ZNF438: variants seen among roughly 807,000 people sequenced by gnomAD.
The protein encoded by ZNF438 is zinc finger protein 438.
In ZNF438, 25 loss-of-function variants were observed where a neutral mutation model predicts 38.0. That is an observed-to-expected ratio of 0.66 (90% CI 0.48 to 0.92). The LOEUF (loss-of-function observed/expected upper bound fraction) is 0.92. Among genes scored for constraint, ZNF438 ranks in the 40% least tolerant of loss-of-function variants. The pLI, the probability that ZNF438 is intolerant of heterozygous loss-of-function variation, is 0.00. For synonymous variants in ZNF438, 372 were observed against 364.1 expected (o/e 1.02, Z -0.25); for missense variants, 1,007 against 999.6 (o/e 1.01, Z -0.10).
chr10:30,906,766 T>C (rs1325116515), intron 3 of ZNF438, among the ~76,000 whole-genome samples: 1 of 152,224 alleles, frequency 6.6e-6, no homozygotes, highest in Non-Finnish European at 1.5e-5. Flanking sequence ...GTTCAGTGTT[T>C]GTATGATAAA....
At chr10:30,963,340 C>T (rs146988141) in intron 1 of ZNF438, among the ~76,000 whole-genome samples, 14 of 139,612 alleles carry the variant, frequency 1.0e-4, no homozygotes, top group African/African-American at 3.0e-4. Context: ...TGAAGTGAGC[C>T]GAGATCGTGA....
chr10:30,881,978 A>G (rs2994612), intron 3 of ZNF438, among the ~76,000 whole-genome samples: 20,100 of 152,246 alleles, frequency 0.13, 1,654 homozygotes, highest in Middle Eastern at 0.25. Flanking sequence ...AACTTCTAAA[A>G]GAAAATACTG....
At chr10:30,919,412 CCTTT>C (rs1315464239) in intron 2 of ZNF438, 1 of 152,120 alleles carries the variant, frequency 6.6e-6, no homozygotes, top group Admixed American at 6.6e-5. Flanking sequence ...CTTCCTGAAG[CCTTT>C]CTTTTGATTT....
At chr10:30,995,546 T>C (rs141205791) in intron 1 of ZNF438, among the ~76,000 whole-genome samples, 1 of 152,272 alleles carries the variant, frequency 6.6e-6, no homozygotes, top group Admixed American at 6.5e-5. Flanking sequence ...CAAACAGTAA[T>C]TGGAAGCCCC....
intron 1 of ZNF438, among the ~76,000 whole-genome samples, chr10:30,980,254 T>A (rs1239218813): frequency 3.7e-5 from 5 of 136,256 alleles, no homozygotes; most frequent in African/African-American, 5.5e-5. Context: ...TGTTTAACAT[T>A]AAAAAAAAAA....
intron 1 of ZNF438, among the ~76,000 whole-genome samples, chr10:30,974,936 C>T (rs769410022): frequency 9.9e-5 from 15 of 152,124 alleles, no homozygotes; most frequent in African/African-American, 1.7e-4. Context: ...TTCCAGAATA[C>T]CACACTAAAT....
intron 3 of ZNF438, among the ~76,000 whole-genome samples, chr10:30,892,372 T>C (rs1472583873): frequency 6.6e-6 from 1 of 152,212 alleles, no homozygotes; most frequent in African/African-American, 2.4e-5. Context: ...AACACATATG[T>C]AACAACATAC....
intron 2 of ZNF438, among the ~76,000 whole-genome samples, chr10:30,927,648 C>T (rs1297565385): frequency 6.6e-6 from 1 of 152,220 alleles, no homozygotes; most frequent in Non-Finnish European, 1.5e-5. Context: ...CAGTAAATTA[C>T]AGACATTGCA....
chr10:31,029,353 T>C (rs964897951), intron 1 of ZNF438, among the ~76,000 whole-genome samples: 1 of 152,218 alleles, frequency 6.6e-6, no homozygotes, highest in African/African-American at 2.4e-5. Context: ...ACTGTTGTTA[T>C]GACTATGTCT....
chr10:30,938,342 A>ATCAGC (rs968915718), intron 2 of ZNF438, among the ~76,000 whole-genome samples: 1 of 151,624 alleles, frequency 6.6e-6, no homozygotes, highest in African/African-American at 2.4e-5. Flanking sequence ...CAATGGCACA[A>ATCAGC]TCAGCTCACT....
chr10:30,986,505 T>C (rs1271595412), intron 1 of ZNF438, among the ~76,000 whole-genome samples: 6 of 152,244 alleles, frequency 3.9e-5, no homozygotes, highest in Admixed American at 3.3e-4. Context: ...TTTTCACCAT[T>C]CTGTACCATT....
chr10:30,922,405 A>G (rs1270194118), intron 2 of ZNF438, among the ~76,000 whole-genome samples: 1 of 152,248 alleles, frequency 6.6e-6, no homozygotes, highest in Non-Finnish European at 1.5e-5. Flanking sequence ...AGGATGTCTG[A>G]TTTAAAAGAT....
intron 1 of ZNF438, among the ~76,000 whole-genome samples, chr10:31,020,715 T>TAG (rs1005261381): frequency 1.6e-5 from 1 of 60,640 alleles, no homozygotes; most frequent in African/African-American, 1.1e-4. Flanking sequence ...TGAATATCTT[T>TAG]TAGTAAACAA....
At chr10:30,946,051 C>T (rs113854343) in intron 1 of ZNF438, among the ~76,000 whole-genome samples, 10,372 of 142,548 alleles carry the variant, frequency 0.073, 1,250 homozygotes, top group African/African-American at 0.26. Flanking sequence ...TCTCCACATC[C>T]TCTCCAGCAC....
intron 1 of ZNF438, among the ~76,000 whole-genome samples, chr10:30,981,522 G>A (rs948116734): frequency 1.3e-5 from 2 of 152,126 alleles, no homozygotes; most frequent in African/African-American, 2.4e-5. Context: ...GGGAATTCCA[G>A]CCTATCTCAT....
At chr10:30,978,258 C>A (rs1346700079) in intron 1 of ZNF438, among the ~76,000 whole-genome samples, 2 of 152,166 alleles carry the variant, frequency 1.3e-5, no homozygotes, top group East Asian at 3.8e-4. Context: ...GAGAATTCGT[C>A]TACTCTCTTT....
At chr10:30,980,652 G>A (rs1010877844) in intron 1 of ZNF438, among the ~76,000 whole-genome samples, 1 of 152,172 alleles carries the variant, frequency 6.6e-6, no homozygotes, top group Admixed American at 6.5e-5. Flanking sequence ...GAACTCATGG[G>A]AGAGACCAAA....
rs553735911 is a variant in ZNF438, at chr10:30,894,259, T to G, written c.-32+14674A>C. The stretch of plus-strand genomic sequence containing the variant: ...AAGGGAAAATATCTCAGTAGCTTCT[T>G]TTTCTGAGTAAGTTTTTAAGAATCA... On this transcript the variant is annotated intron_variant, in intron 3 of 5. Transcript: ENST00000413025. Among the ~76,000 whole-genome samples, 373 of 152,302 alleles carry G rather than the reference T, an allele frequency of 2.4e-3. 1 individual carries two copies. Among genetic ancestry groups the G allele is most frequent in the African/African-American group, 8.4e-3 (350 of 41,566 alleles).
At chr10:30,963,666 G>T (rs2049790647) in intron 1 of ZNF438, among the ~76,000 whole-genome samples, 2 of 152,048 alleles carry the variant, frequency 1.3e-5, no homozygotes, top group African/African-American at 4.8e-5. Flanking sequence ...AAGGTCAGGA[G>T]TTCAGGAGTT....
Sources: allele counts gnomAD v4.1 joint callset (sites outside exome capture counted in the v4.1 genomes callset), GRCh38; gene constraint gnomAD v4.1.1; transcripts MANE v1.5; gene names NCBI Gene and HGNC (gene_info 2026-07-23, HGNC 2026-07-21).